BCOR: variants seen among roughly 807,000 people sequenced by gnomAD.
The protein encoded by BCOR is BCL-6 corepressor.
Under a neutral mutation model 86.7 loss-of-function variants are expected in BCOR, and 10 were observed. That is an observed-to-expected ratio of 0.12 (90% CI 0.07 to 0.20). The LOEUF is 0.20. Ranked by LOEUF, BCOR falls within the 10% of genes least tolerant of loss-of-function variation. BCOR has a pLI of 1.00. For missense variants in BCOR, 1,259 were observed against 1,452.1 expected (o/e 0.87, Z 2.16); for synonymous variants, 611 against 609.0 (o/e 1.00, Z -0.05).
chrX:40,087,072 A>T (rs1283942796), intron 1 of BCOR, among the ~76,000 whole-genome samples: 1 of 112,895 alleles, frequency 8.9e-6, no homozygotes, highest in East Asian at 2.8e-4. Flanking sequence ...GGTTGTGGAG[A>T]CTCGCAGGGT....
At chrX:40,070,594 A>T (rs1935427509) in intron 6 of BCOR, among the ~76,000 whole-genome samples, 4 of 111,353 alleles carry the variant, frequency 3.6e-5, no homozygotes, top group Non-Finnish European at 5.7e-5. Context: ...TACTTCAACA[A>T]CATCTATGCC....
chrX:40,090,532 G>C (rs974688074), intron 1 of BCOR, among the ~76,000 whole-genome samples: 1 of 112,053 alleles, frequency 8.9e-6, no homozygotes, highest in Non-Finnish European at 1.9e-5. Flanking sequence ...ACCGCTAGAC[G>C]GCGGCCAGGG....
chrX:40,137,268 C>T (rs1031643750), intron 1 of BCOR, among the ~76,000 whole-genome samples: 2 of 111,859 alleles, frequency 1.8e-5, no homozygotes, highest in Non-Finnish European at 3.8e-5. Flanking sequence ...AATTCCTGGC[C>T]GGGCACGGTG....
intron 1 of BCOR, among the ~76,000 whole-genome samples, chrX:40,155,394 T>A (rs1602271733): frequency 9.1e-6 from 1 of 110,418 alleles, no homozygotes; most frequent in East Asian, 2.9e-4. Context: ...GCGGCCAGGG[T>A]CAGGCGGCGT....
intron 1 of BCOR, among the ~76,000 whole-genome samples, chrX:40,139,419 T>TA (rs1937791664): frequency 1.2e-4 from 1 of 8,455 alleles, no homozygotes; most frequent in African/African-American, 1.0e-3. Flanking sequence ...ATATATAATA[T>TA]ATATACATAT....
intron 1 of BCOR, among the ~76,000 whole-genome samples, chrX:40,156,719 G>T (rs1269538200): frequency 9.1e-6 from 1 of 109,645 alleles, no homozygotes. Context: ...CTGCAACTTG[G>T]AAATCCTAGG....
intron 1 of BCOR, among the ~76,000 whole-genome samples, chrX:40,137,761 C>G (rs1464911476): frequency 9.0e-6 from 1 of 110,669 alleles, no homozygotes; most frequent in Non-Finnish European, 1.9e-5. Flanking sequence ...GTTGCACCTA[C>G]TTGCTCTCTC....
At chrX:40,057,468 G>A (rs1172004856) in intron 10 of BCOR, 147 bp from the exon 11 acceptor site, 4 of 593,461 alleles carry the variant, frequency 6.7e-6, no homozygotes, top group African/African-American at 6.7e-5. Context: ...TGGTGAGGGG[G>A]AAACACATGT....
intron 10 of BCOR, among the ~76,000 whole-genome samples, chrX:40,060,653 C>A (rs748088660): frequency 8.9e-6 from 1 of 112,375 alleles, no homozygotes; most frequent in African/African-American, 3.2e-5. Context: ...AGTGGCCCTG[C>A]CTGGCACGCT....
intron 1 of BCOR, among the ~76,000 whole-genome samples, chrX:40,079,676 C>A (rs778390391): frequency 7.1e-5 from 8 of 111,972 alleles, no homozygotes; most frequent in Non-Finnish European, 1.5e-4. Flanking sequence ...TGTCTCCAGA[C>A]AGCGGCTCTT....
intron 1 of BCOR, among the ~76,000 whole-genome samples, chrX:40,168,808 A>G (rs1212026356): frequency 1.8e-5 from 2 of 113,467 alleles, no homozygotes; most frequent in Non-Finnish European, 3.7e-5. Context: ...TGTAGCTATT[A>G]AAATTAATCG....
chrX:40,125,875 T>A (rs1308092234), intron 1 of BCOR, among the ~76,000 whole-genome samples: 1 of 111,634 alleles, frequency 9.0e-6, no homozygotes, highest in African/African-American at 3.3e-5. Flanking sequence ...AGAGGGCACA[T>A]GTCTCACAGC....
At chrX:40,175,576 GGCGACACC>G (rs1234035571) in intron 1 of BCOR, among the ~76,000 whole-genome samples, 4 of 113,349 alleles carry the variant, frequency 3.5e-5, no homozygotes, top group Non-Finnish European at 7.5e-5. Flanking sequence ...TTCCGCGGCG[GGCGACACC>G]GCCGCCCTCG....
chrX:40,146,439 TC>T (rs1938057322), intron 1 of BCOR: 1 of 111,035 alleles, frequency 9.0e-6, no homozygotes, highest in African/African-American at 3.3e-5. Flanking sequence ...ATTTAAAGGT[TC>T]TCACCGGGAA....
At chrX:40,139,384 A>AATATATATAC (rs1937765157) in intron 1 of BCOR, among the ~76,000 whole-genome samples, 1 of 17,362 alleles carries the variant, frequency 5.8e-5, no homozygotes, top group Non-Finnish European at 9.9e-5. Flanking sequence ...ATATATATAT[A>AATATATATAC]ATATATATAC....
intron 1 of BCOR, among the ~76,000 whole-genome samples, chrX:40,176,383 C>T (rs1938753282): frequency 8.8e-6 from 1 of 113,011 alleles, no homozygotes; most frequent in African/African-American, 3.2e-5. Context: ...CGGAGTAGCC[C>T]CGCGGGCCCC....
In BCOR at chrX:40,073,834, A is replaced by G; in HGVS notation, c.1512T>C (p.Thr504=). 1 of 1,212,300 alleles carries G rather than the reference A, an allele frequency of 8.2e-7. No individual in the cohort carries two copies. Among genetic ancestry groups the G allele is most frequent in the South Asian group, 1.8e-5 (1 of 57,044 alleles). The change falls in exon 4 of 15, where the codon ACT becomes ACC. Residue 504 remains threonine, a synonymous_variant. Coordinates refer to ENST00000378444, the MANE Select transcript of BCOR (RefSeq NM_001123385.2). ...CAIYRSEIIS[T]APSSWVVPGP... ...CGGGCACCACCCAGGATGAGGGAGCAGTGCTGATGATTTCAGATCTATAGA... is the reference window on the plus strand; with the variant it reads ...CGGGCACCACCCAGGATGAGGGAGCGGTGCTGATGATTTCAGATCTATAGA...
At chrX:40,155,101 G>A (rs1391374955) in intron 1 of BCOR, among the ~76,000 whole-genome samples, 1 of 110,664 alleles carries the variant, frequency 9.0e-6, no homozygotes, top group African/African-American at 3.3e-5. Flanking sequence ...GGCTTAACCA[G>A]GCCGCTCGAC....
At chrX:40,130,126 C>A (rs1300241320) in intron 1 of BCOR, among the ~76,000 whole-genome samples, 1 of 111,939 alleles carries the variant, frequency 8.9e-6, no homozygotes, top group Non-Finnish European at 1.9e-5. Context: ...CCTGCCCCAG[C>A]AACTCCCTAT....
Sources: allele counts gnomAD v4.1 joint callset (sites outside exome capture counted in the v4.1 genomes callset), GRCh38; gene constraint gnomAD v4.1.1; transcripts MANE v1.5; gene names NCBI Gene and HGNC (gene_info 2026-07-23, HGNC 2026-07-21).